The following KCNC2 variants were observed in gnomAD, a reference collection of about 807,000 sequenced individuals.
KCNC2 encodes the protein potassium voltage-gated channel subfamily C member 2.
KCNC2 carries 21 observed loss-of-function variants against 44.5 expected under a neutral mutation model. The ratio of observed to expected loss-of-function variants is 0.47; its 90% confidence interval spans 0.33 to 0.68. The LOEUF (loss-of-function observed/expected upper bound fraction) is 0.68. Ranked by LOEUF, KCNC2 falls within the 30% of genes least tolerant of loss-of-function variation. The probability of loss-of-function intolerance (pLI) is 0.01; values close to 1 mark genes in which losing one functional copy is unlikely to be tolerated. For missense variants in KCNC2, 589 were observed against 826.2 expected, an observed-to-expected ratio of 0.71 and a Z score of 3.52; for synonymous variants, 391 against 339.1, an observed-to-expected ratio of 1.15 and a Z score of -1.68.
chr12:75,166,425 A>T (rs1380285868), intron 2 of KCNC2, among the ~76,000 whole-genome samples: 3 of 149,568 alleles, frequency 2.0e-5, no homozygotes, highest in Non-Finnish European at 1.5e-5. Flanking sequence ...CAAAATGGAA[A>T]GAGAAAACTC....
chr12:75,064,926 T>C (rs1280333726), intron 2 of KCNC2, among the ~76,000 whole-genome samples: 1 of 152,048 alleles, frequency 6.6e-6, no homozygotes, highest in Non-Finnish European at 1.5e-5. Context: ...AGAGTGTACA[T>C]ATACATTCTA....
intron 2 of KCNC2, among the ~76,000 whole-genome samples, chr12:75,123,320 A>T (rs962895493): frequency 2.6e-5 from 4 of 152,174 alleles, no homozygotes; most frequent in Non-Finnish European, 5.9e-5. Context: ...ATTGCTTGAA[A>T]CCAGTTCTAT....
At chr12:75,111,617 T>C (rs1029240628) in intron 2 of KCNC2, among the ~76,000 whole-genome samples, 1 of 152,086 alleles carries the variant, frequency 6.6e-6, no homozygotes, top group African/African-American at 2.4e-5. Context: ...CAATAATATA[T>C]GAGTTTCTGC....
chr12:75,047,445 T>G (rs1334778400), intron 4 of KCNC2, among the ~76,000 whole-genome samples: 1 of 152,094 alleles, frequency 6.6e-6, no homozygotes, highest in Non-Finnish European at 1.5e-5. Flanking sequence ...TCCCACAATT[T>G]TTATTCATTC....
At chr12:75,051,963 T>A (rs879009097) in intron 2 of KCNC2, among the ~76,000 whole-genome samples, 1 of 152,010 alleles carries the variant, frequency 6.6e-6, no homozygotes, top group African/African-American at 2.4e-5. Flanking sequence ...AAAGGAGCAA[T>A]TTAAATGAAA....
At chr12:75,073,008 A>C (rs955016886) in intron 2 of KCNC2, among the ~76,000 whole-genome samples, 1 of 152,182 alleles carries the variant, frequency 6.6e-6, no homozygotes, top group South Asian at 2.1e-4. Context: ...GTCCAAAAAA[A>C]ACCCAAATCT....
At chr12:75,082,934 C>A (rs2137087790) in intron 2 of KCNC2, among the ~76,000 whole-genome samples, 1 of 151,402 alleles carries the variant, frequency 6.6e-6, no homozygotes, top group South Asian at 2.1e-4. Context: ...AGACAGATAT[C>A]CCTATACTGG....
intron 2 of KCNC2, among the ~76,000 whole-genome samples, chr12:75,053,870 C>T (rs10879876): frequency 0.88 from 132,596 of 150,088 alleles, 58,719 homozygotes; most frequent in Admixed American, 0.91. Context: ...AAAACAACTT[C>T]GGCATTCTGA....
chr12:75,199,796 C>A (rs891277972), intron 2 of KCNC2, among the ~76,000 whole-genome samples: 10 of 151,804 alleles, frequency 6.6e-5, no homozygotes, highest in Admixed American at 1.3e-4. Flanking sequence ...ATAAATAAAT[C>A]AAACAAAAGT....
chr12:75,097,552 C>T (rs1292783163), intron 2 of KCNC2, among the ~76,000 whole-genome samples: 2 of 151,896 alleles, frequency 1.3e-5, no homozygotes, highest in Non-Finnish European at 2.9e-5. Context: ...TACTGTAAAT[C>T]TAAACTGGTA....
At chr12:75,155,632 A>G (rs573780528) in intron 2 of KCNC2, among the ~76,000 whole-genome samples, 31 of 151,816 alleles carry the variant, frequency 2.0e-4, no homozygotes, top group African/African-American at 6.5e-4. Flanking sequence ...ACATTTGCCC[A>G]CTGATAACAG....
At chr12:75,159,360 T>C (rs1455627795) in intron 2 of KCNC2, among the ~76,000 whole-genome samples, 1 of 151,518 alleles carries the variant, frequency 6.6e-6, no homozygotes, top group Non-Finnish European at 1.5e-5. Flanking sequence ...TTTCAGTTTT[T>C]GCTGCTCCCC....
chr12:75,155,492 C>T (rs1013264434), intron 2 of KCNC2, among the ~76,000 whole-genome samples: 1 of 151,694 alleles, frequency 6.6e-6, no homozygotes, highest in Admixed American at 6.6e-5. Context: ...CATGATTGTA[C>T]TGAGTTTCAA....
intron 2 of KCNC2, among the ~76,000 whole-genome samples, chr12:75,205,491 T>C (rs944832774): frequency 6.6e-6 from 1 of 152,116 alleles, no homozygotes; most frequent in African/African-American, 2.4e-5. Flanking sequence ...AAGTCAATGG[T>C]TTATCCTTTT....
At chr12:75,179,436 C>G (rs1593038675) in intron 2 of KCNC2, among the ~76,000 whole-genome samples, 1 of 151,788 alleles carries the variant, frequency 6.6e-6, no homozygotes, top group African/African-American at 2.4e-5. Context: ...TGAACAAAGT[C>G]TTTTGAAAAA....
intron 2 of KCNC2, among the ~76,000 whole-genome samples, chr12:75,149,130 AT>A (rs1890221492): frequency 6.6e-6 from 1 of 151,912 alleles, no homozygotes; most frequent in African/African-American, 2.4e-5. Context: ...TCAAGGCTGA[AT>A]TTTGGAAATC....
intron 2 of KCNC2, among the ~76,000 whole-genome samples, chr12:75,073,382 C>A (rs1883606916): frequency 6.6e-6 from 1 of 152,118 alleles, no homozygotes; most frequent in Admixed American, 6.5e-5. Flanking sequence ...ACTTTCAGTA[C>A]CAATTTATGA....
At chr12:75,061,087 G>T (rs1050786791) in intron 2 of KCNC2, among the ~76,000 whole-genome samples, 6 of 152,142 alleles carry the variant, frequency 3.9e-5, no homozygotes, top group Admixed American at 3.9e-4. Context: ...TCCGTTGATA[G>T]AAAATAAGCT....
At chr12:75,049,769 C>A (rs1880970098) in intron 3 of KCNC2, among the ~76,000 whole-genome samples, 1 of 152,018 alleles carries the variant, frequency 6.6e-6, no homozygotes, top group South Asian at 2.1e-4. Context: ...GGACCCTCAT[C>A]AAAGGGGTTA....
Sources: allele counts gnomAD v4.1 joint callset (sites outside exome capture counted in the v4.1 genomes callset), GRCh38; gene constraint gnomAD v4.1.1; transcripts MANE v1.5; gene names NCBI Gene and HGNC (gene_info 2026-07-23, HGNC 2026-07-21).